The following FAM13A variants were observed in gnomAD, a reference collection of about 807,000 sequenced individuals.
The protein encoded by FAM13A is protein FAM13A.
Under a neutral mutation model 129.6 loss-of-function variants are expected in FAM13A, and 76 were observed. The ratio of observed to expected loss-of-function variants is 0.59; its 90% CI spans 0.49 to 0.71. FAM13A has a LOEUF of 0.71. Among genes scored for constraint, FAM13A ranks in the 30% least tolerant of loss-of-function variants. The pLI, the probability that FAM13A is intolerant of heterozygous loss-of-function variation, is 0.00. For synonymous variants in FAM13A, 443 were observed against 449.9 expected (o/e 0.98, Z 0.20); for missense variants, 1,108 against 1,249.3 (o/e 0.89, Z 1.70).
chr4:88,823,329 C>T (rs1732410498), intron 7 of FAM13A: 1 of 1,117,174 alleles, frequency 9.0e-7, no homozygotes. Context: ...GCTCCTCCTC[C>T]TCCCCCGCAC....
At chr4:88,914,413 C>T (rs1749744305) in intron 5 of FAM13A, among the ~76,000 whole-genome samples, 1 of 152,178 alleles carries the variant, frequency 6.6e-6, no homozygotes, top group African/African-American at 2.4e-5. Context: ...AATCTCATAG[C>T]ATTTCCCCTC....
intron 1 of FAM13A, among the ~76,000 whole-genome samples, chr4:89,045,507 G>C (rs562492032): frequency 2.0e-5 from 3 of 152,242 alleles, no homozygotes; most frequent in African/African-American, 7.2e-5. Context: ...AAATAAAAGT[G>C]CTTTGAGTTT....
At chr4:88,859,784 G>T (rs1161458154) in intron 6 of FAM13A, among the ~76,000 whole-genome samples, 2 of 152,090 alleles carry the variant, frequency 1.3e-5, no homozygotes, top group Non-Finnish European at 2.9e-5. Flanking sequence ...TTTAGAGGGG[G>T]CTGGGATTTT....
chr4:88,736,379 G>A (rs1333784013), intron 21 of FAM13A: 1 of 152,148 alleles, frequency 6.6e-6, no homozygotes, highest in Non-Finnish European at 1.5e-5. Context: ...AGAAAATGGA[G>A]AAATTCTCAA....
At chr4:88,924,367 T>A (rs1202855400) in intron 5 of FAM13A, among the ~76,000 whole-genome samples, 2 of 152,024 alleles carry the variant, frequency 1.3e-5, no homozygotes, top group Non-Finnish European at 2.9e-5. Context: ...TATAGATCAA[T>A]GGAACAGAAC....
intron 19 of FAM13A, among the ~76,000 whole-genome samples, chr4:88,740,641 T>C (rs1204495356): frequency 1.3e-5 from 2 of 152,236 alleles, no homozygotes; most frequent in Non-Finnish European, 2.9e-5. Flanking sequence ...TTTGACCATT[T>C]CTTTTACGGG....
At chr4:88,797,378 TC>T (rs1174040246) in intron 8 of FAM13A, among the ~76,000 whole-genome samples, 1 of 151,476 alleles carries the variant, frequency 6.6e-6, no homozygotes, top group Admixed American at 6.6e-5. Context: ...GCTCAAGCAA[TC>T]CTCTTGCTTC....
At chr4:88,953,177 TG>T (rs1757210560) in intron 4 of FAM13A, among the ~76,000 whole-genome samples, 1 of 151,732 alleles carries the variant, frequency 6.6e-6, no homozygotes, top group Non-Finnish European at 1.5e-5. Flanking sequence ...CCCTCTCAGC[TG>T]GGCGTGGTGG....
chr4:88,967,581 G>A (rs1016237975), intron 4 of FAM13A, among the ~76,000 whole-genome samples: 2 of 152,174 alleles, frequency 1.3e-5, no homozygotes, highest in African/African-American at 4.8e-5. Context: ...TGAGCCCATT[G>A]TGGGATGCGG....
chr4:88,896,439 T>C (rs1178183078), intron 6 of FAM13A, among the ~76,000 whole-genome samples: 1 of 152,054 alleles, frequency 6.6e-6, no homozygotes, highest in African/African-American at 2.4e-5. Context: ...AAAAAAAAAT[T>C]CAATGTTTAT....
chr4:89,020,023 A>G (rs1767028644), intron 3 of FAM13A, among the ~76,000 whole-genome samples: 1 of 152,080 alleles, frequency 6.6e-6, no homozygotes, highest in Non-Finnish European at 1.5e-5. Context: ...TTAGTCAGAA[A>G]AACATGTCTT....
intron 4 of FAM13A, among the ~76,000 whole-genome samples, chr4:88,966,336 C>T (rs957453923): frequency 2.0e-5 from 3 of 152,244 alleles, no homozygotes; most frequent in Non-Finnish European, 4.4e-5. Context: ...TCACTCATTC[C>T]TTCTTTGAAC....
chr4:89,051,113 T>C (rs570854758), intron 1 of FAM13A, among the ~76,000 whole-genome samples: 14 of 152,358 alleles, frequency 9.2e-5, no homozygotes, highest in African/African-American at 2.9e-4. Context: ...ACTGTCTTAA[T>C]CTGTTCAGAC....
chr4:88,995,092 G>A (rs1428341260), intron 3 of FAM13A, among the ~76,000 whole-genome samples: 1 of 151,312 alleles, frequency 6.6e-6, no homozygotes, highest in African/African-American at 2.4e-5. Flanking sequence ...TATATTTGTT[G>A]CACACACACA....
At chr4:88,797,305 G>A (rs1229063829) in intron 8 of FAM13A, among the ~76,000 whole-genome samples, 9 of 146,974 alleles carry the variant, frequency 6.1e-5, no homozygotes, top group East Asian at 2.0e-4. Flanking sequence ...GTCTTGCTCC[G>A]TCACCCAGGC....
chr4:88,945,459 C>T (rs1755504558), intron 4 of FAM13A, among the ~76,000 whole-genome samples: 1 of 152,036 alleles, frequency 6.6e-6, no homozygotes, highest in Admixed American at 6.6e-5. Flanking sequence ...AGACTCTTGC[C>T]CCTCTTAATT....
intron 7 of FAM13A, among the ~76,000 whole-genome samples, chr4:88,809,947 G>A (rs1297128953): frequency 3.3e-5 from 5 of 151,800 alleles, no homozygotes; most frequent in Admixed American, 3.3e-4. Flanking sequence ...ATTTGTTGCG[G>A]GTGGGGGATA....
At chr4:88,909,548 G>A (rs533020052) in intron 5 of FAM13A, among the ~76,000 whole-genome samples, 99 of 151,838 alleles carry the variant, frequency 6.5e-4, no homozygotes, top group African/African-American at 2.2e-3. Context: ...GTGCAGTGGC[G>A]TGATCTTGGC....
At chr4:88,920,333 G>C (rs1341120356) in intron 5 of FAM13A, among the ~76,000 whole-genome samples, 1 of 152,048 alleles carries the variant, frequency 6.6e-6, no homozygotes, top group East Asian at 1.9e-4. Context: ...CACACGGCCG[G>C]GTACTCCTCT....
Sources: allele counts gnomAD v4.1 joint callset (sites outside exome capture counted in the v4.1 genomes callset), GRCh38; gene constraint gnomAD v4.1.1; transcripts MANE v1.5; gene names NCBI Gene and HGNC (gene_info 2026-07-23, HGNC 2026-07-21).